The following SLC14A2 variants were observed in gnomAD, a reference collection of about 807,000 sequenced individuals.
SLC14A2 encodes urea transporter 2.
SLC14A2 carries 91 observed loss-of-function variants against 104.6 expected under a neutral mutation model. The ratio of observed to expected loss-of-function variants is 0.87; its 90% CI spans 0.73 to 1.04. The LOEUF (loss-of-function observed/expected upper bound fraction) is 1.04. Ranked by LOEUF, SLC14A2 falls within the 50% of genes least tolerant of loss-of-function variation. SLC14A2 has a pLI of 0.00. For missense variants in SLC14A2, 1,189 were observed against 1,156.0 expected (o/e 1.03, Z -0.41); for synonymous variants, 476 against 466.4 (o/e 1.02, Z -0.27).
intron 2 of SLC14A2, among the ~76,000 whole-genome samples, chr18:45,499,192 A>G (rs2043151325): frequency 6.6e-6 from 1 of 152,210 alleles, no homozygotes; most frequent in Non-Finnish European, 1.5e-5. Context: ...CTCTGATGGC[A>G]ATGTTAGAGT....
the SLC14A2 span, among the ~76,000 whole-genome samples, chr18:45,174,951 A>G: frequency 6.6e-6 from 1 of 152,188 alleles, no homozygotes; most frequent in South Asian, 2.1e-4. Context: ...ATTGGCAAAA[A>G]TCCACAAGAT....
chr18:45,427,024 A>G (rs1181574922), intron 1 of SLC14A2, among the ~76,000 whole-genome samples: 1 of 152,060 alleles, frequency 6.6e-6, no homozygotes, highest in Non-Finnish European at 1.5e-5. Flanking sequence ...AAATATTTGT[A>G]TTGGCTGAGT....
In SLC14A2 at chr18:45,507,994, A is replaced by G. The variant is rs956362652; in HGVS notation, c.-35+24672A>G. 3.3e-5 allele frequency among the ~76,000 whole-genome samples: 5 copies of G among 152,374 alleles called. No individual in the cohort carries two copies. In the East Asian group the frequency reaches 9.6e-4, roughly 29 times the overall value. ...CAAGAGCCTGCCAGGTACCACTCCA[A>G]TCCTATAATGCAAGCTTAAAATAGA... On this transcript the variant is annotated intron_variant, in intron 2 of 20. Coordinates refer to the SLC14A2 transcript ENST00000586448.
intron 1 of SLC14A2, among the ~76,000 whole-genome samples, chr18:45,619,062 T>G (rs189229124): frequency 1.4e-3 from 219 of 152,334 alleles, no homozygotes; most frequent in South Asian, 2.7e-3. Flanking sequence ...CTCCTGACAG[T>G]CTGGTTCTCA....
intron 2 of SLC14A2, among the ~76,000 whole-genome samples, chr18:45,548,890 T>A (rs573590229): frequency 6.6e-6 from 1 of 152,226 alleles, no homozygotes; most frequent in South Asian, 2.1e-4. Context: ...TGCAGCCAAG[T>A]GTAGGACTGT....
upstream of SLC14A2, among the ~76,000 whole-genome samples, chr18:45,208,628 G>A (rs762064090): frequency 2.6e-5 from 4 of 152,162 alleles, no homozygotes; most frequent in Non-Finnish European, 4.4e-5. Context: ...TGAAGAGCCC[G>A]CCTTACAGAG....
intron 1 of SLC14A2, among the ~76,000 whole-genome samples, chr18:45,473,351 GC>G (rs2087288940): frequency 1.3e-5 from 2 of 152,198 alleles, no homozygotes; most frequent in Admixed American, 1.3e-4. Flanking sequence ...GATTGTCTTA[GC>G]TACATGGGCT....
At chr18:45,416,362 T>G (rs1188845215) in intron 1 of SLC14A2, among the ~76,000 whole-genome samples, 1 of 151,974 alleles carries the variant, frequency 6.6e-6, no homozygotes, top group Non-Finnish European at 1.5e-5. Flanking sequence ...CAAATAACCT[T>G]GTCATGTGAG....
intron 2 of SLC14A2, among the ~76,000 whole-genome samples, chr18:45,581,205 CAG>C (rs2044486283): frequency 1.3e-5 from 2 of 152,226 alleles, no homozygotes; most frequent in East Asian, 1.9e-4. Flanking sequence ...GAGATGAGAA[CAG>C]AGGGCAGAGG....
chr18:45,205,008 C>T, the SLC14A2 span, among the ~76,000 whole-genome samples: 3 of 151,242 alleles, frequency 2.0e-5, no homozygotes, highest in Non-Finnish European at 2.9e-5. Flanking sequence ...CTCAGAACAC[C>T]TCCATAGGAA....
chr18:45,382,743 A>G (rs1306245906), intron 1 of SLC14A2, among the ~76,000 whole-genome samples: 1 of 152,222 alleles, frequency 6.6e-6, no homozygotes. Context: ...CTTCTAATTG[A>G]CACCAATGTC....
At chr18:45,648,237 A>C (rs1317560356) in intron 10 of SLC14A2, among the ~76,000 whole-genome samples, 1 of 119,282 alleles carries the variant, frequency 8.4e-6, no homozygotes, top group African/African-American at 3.6e-5. Context: ...ATGGAGTCTC[A>C]CTCTATCGCC....
At chr18:45,471,997 A>C (rs1269805606) in intron 1 of SLC14A2, among the ~76,000 whole-genome samples, 1 of 151,996 alleles carries the variant, frequency 6.6e-6, no homozygotes, top group Non-Finnish European at 1.5e-5. Context: ...CATCTACATT[A>C]GGTATTTCTC....
intron 1 of SLC14A2, among the ~76,000 whole-genome samples, chr18:45,255,373 T>C (rs1327916975): frequency 6.6e-6 from 1 of 152,238 alleles, no homozygotes; most frequent in Admixed American, 6.5e-5. Context: ...TTGAGCAAGA[T>C]GGCTCTTTAC....
At chr18:45,318,170 G>T (rs542754482) in intron 1 of SLC14A2, among the ~76,000 whole-genome samples, 7 of 152,336 alleles carry the variant, frequency 4.6e-5, no homozygotes, top group African/African-American at 9.6e-5. Context: ...GAGGCAGCTG[G>T]CTCCAAGCAC....
At chr18:45,470,426 C>G (rs1249150664) in intron 1 of SLC14A2, among the ~76,000 whole-genome samples, 1 of 152,078 alleles carries the variant, frequency 6.6e-6, no homozygotes, top group Non-Finnish European at 1.5e-5. Flanking sequence ...TTGACTGATA[C>G]ATTTTTACTT....
intron 2 of SLC14A2, chr18:45,528,655 A>T (rs2043634821): frequency 6.6e-6 from 1 of 152,060 alleles, no homozygotes; most frequent in African/African-American, 2.4e-5. Context: ...AGAACTATGG[A>T]AGATGGTGGA....
At chr18:45,520,220 A>G (rs890978038) in intron 2 of SLC14A2, among the ~76,000 whole-genome samples, 3 of 152,232 alleles carry the variant, frequency 2.0e-5, no homozygotes, top group Admixed American at 1.3e-4. Flanking sequence ...CAGAGAATCA[A>G]GATGTGGTTT....
intron 1 of SLC14A2, among the ~76,000 whole-genome samples, chr18:45,265,429 G>A (rs1033979450): frequency 1.3e-5 from 2 of 152,162 alleles, no homozygotes; most frequent in Admixed American, 1.3e-4. Flanking sequence ...TAGGAAGTTG[G>A]AAACAAGGTC....
Sources: gnomAD v4.1 joint callset for allele counts (sites outside exome capture counted in the v4.1 genomes callset) on GRCh38, gnomAD v4.1.1 for gene constraint, MANE v1.5 for transcripts, NCBI Gene and HGNC (gene_info 2026-07-23, HGNC 2026-07-21) for gene names.